Variants in BLTP3B observed in about 807,000 individuals in gnomAD.
BLTP3B encodes the protein bridge-like lipid transfer protein family member 3B, also known as UHRF1 (ICBP90) binding protein 1-like.
At chr12:100,044,073 C>G in the BLTP3B span, among the ~76,000 whole-genome samples, 2 of 151,868 alleles carry the variant, frequency 1.3e-5, no homozygotes, top group African/African-American at 4.8e-5. Flanking sequence ...GCATTCTTTT[C>G]TGTTTGTTTG....
chr12:100,105,152 T>C, the BLTP3B span, among the ~76,000 whole-genome samples: 2 of 152,132 alleles, frequency 1.3e-5, no homozygotes, highest in East Asian at 3.9e-4. Context: ...AAACTTCATA[T>C]GGAACCAAAA....
chr12:100,089,922 A>T, the BLTP3B span, among the ~76,000 whole-genome samples: 2 of 152,100 alleles, frequency 1.3e-5, no homozygotes, highest in African/African-American at 4.8e-5. Flanking sequence ...GGTGGTAGTA[A>T]ATAAGTCTCA....
chr12:100,038,225 T>C, the BLTP3B span, among the ~76,000 whole-genome samples: 1 of 152,208 alleles, frequency 6.6e-6, no homozygotes, highest in Non-Finnish European at 1.5e-5. Context: ...TTCTCTTGTA[T>C]TGAGTCACTT....
the BLTP3B span, among the ~76,000 whole-genome samples, chr12:100,071,018 A>C: frequency 6.6e-6 from 1 of 152,164 alleles, no homozygotes; most frequent in African/African-American, 2.4e-5. Flanking sequence ...ATATATTAAT[A>C]AATCAATATT....
the BLTP3B span, among the ~76,000 whole-genome samples, chr12:100,089,912 G>A: frequency 1.3e-5 from 2 of 152,106 alleles, no homozygotes; most frequent in African/African-American, 4.8e-5. Flanking sequence ...ATACTGTTCT[G>A]GTGGTAGTAA....
At chr12:100,133,474 G>C in the BLTP3B span, among the ~76,000 whole-genome samples, 8 of 152,188 alleles carry the variant, frequency 5.3e-5, no homozygotes, top group Non-Finnish European at 8.8e-5. Context: ...AACAAGAGTA[G>C]TGTTGAAAAC....
At chr12:100,117,046 A>G in the BLTP3B span, among the ~76,000 whole-genome samples, 1 of 152,218 alleles carries the variant, frequency 6.6e-6, no homozygotes, top group Admixed American at 6.5e-5. Context: ...AAAATACAGA[A>G]GTCTACACTA....
At chr12:100,125,787 T>A in the BLTP3B span, among the ~76,000 whole-genome samples, 2 of 152,156 alleles carry the variant, frequency 1.3e-5, no homozygotes, top group African/African-American at 2.4e-5. Flanking sequence ...TTTAAACAAA[T>A]AAGAAATAGT....
the BLTP3B span, chr12:100,098,507 T>C: frequency 5.0e-6 from 8 of 1,612,902 alleles, no homozygotes; most frequent in East Asian, 1.3e-4. Context: ...GAAACAGAAA[T>C]TCCCTCAACT....
the BLTP3B span, chr12:100,128,524 G>C: frequency 8.9e-7 from 1 of 1,122,004 alleles, no homozygotes; most frequent in South Asian, 1.9e-5. Flanking sequence ...GGCATATTAA[G>C]TGCTTGCATT....
At chr12:100,059,623 T>G in the BLTP3B span, 2 of 1,365,638 alleles carry the variant, frequency 1.5e-6, no homozygotes, top group Non-Finnish European at 1.9e-6. Flanking sequence ...AAATTCTTTT[T>G]CTTGACCTTT....
chr12:100,037,521 T>G, the BLTP3B span: 2 of 1,539,664 alleles, frequency 1.3e-6, no homozygotes, highest in Non-Finnish European at 8.6e-7. Flanking sequence ...ACATTCCATT[T>G]TGTTTTATTG....
the BLTP3B span, among the ~76,000 whole-genome samples, chr12:100,082,043 T>C: frequency 6.6e-6 from 1 of 152,200 alleles, no homozygotes; most frequent in African/African-American, 2.4e-5. Flanking sequence ...TGTATAAGCA[T>C]TCCCTTTTCT....
chr12:100,127,511 C>T, the BLTP3B span, among the ~76,000 whole-genome samples: 1 of 152,132 alleles, frequency 6.6e-6, no homozygotes, highest in East Asian at 1.9e-4. Context: ...TTTGGAAGTT[C>T]AAAGTATTTA....
chr12:100,100,484 G>A, the BLTP3B span, among the ~76,000 whole-genome samples: 19 of 152,068 alleles, frequency 1.2e-4, no homozygotes, highest in Non-Finnish European at 2.5e-4. Flanking sequence ...GCAAAGGGAG[G>A]AGGATTGCTT....
At chr12:100,043,373 C>T in the BLTP3B span, among the ~76,000 whole-genome samples, 3 of 152,198 alleles carry the variant, frequency 2.0e-5, no homozygotes, top group Admixed American at 6.5e-5. Flanking sequence ...TTTTGCCAGC[C>T]TTGCCAAAGA....
chr12:100,098,441 G>C, the BLTP3B span: 1 of 1,614,000 alleles, frequency 6.2e-7, no homozygotes, highest in Non-Finnish European at 8.5e-7. Flanking sequence ...AGCTGAGAAA[G>C]TTCAAATGAT....
the BLTP3B span, chr12:100,050,127 A>C: frequency 7.1e-7 from 1 of 1,417,652 alleles, no homozygotes; most frequent in Non-Finnish European, 9.2e-7. Flanking sequence ...AAAACATATT[A>C]AACCATTGTA....
the BLTP3B span, chr12:100,047,711 T>G: frequency 4.3e-6 from 5 of 1,168,524 alleles, no homozygotes; most frequent in Admixed American, 1.9e-5. Flanking sequence ...AGATAACACA[T>G]GTATCTTTAT....
Sources: allele counts gnomAD v4.1 joint callset (sites outside exome capture counted in the v4.1 genomes callset), GRCh38; gene constraint gnomAD v4.1.1; transcripts MANE v1.5; gene names NCBI Gene and HGNC (gene_info 2026-07-23, HGNC 2026-07-21).